ANK2: variants seen among roughly 807,000 people sequenced by gnomAD.
ANK2 encodes the protein ankyrin 2.
A neutral mutation model predicts 360.5 loss-of-function variants in ANK2; 83 were observed. That is an observed-to-expected ratio of 0.23 (90% confidence interval 0.19 to 0.28). The LOEUF (loss-of-function observed/expected upper bound fraction) is 0.28, where lower values mean the gene tolerates loss of function less well. ANK2 is among the 10% of genes least tolerant of loss of function. The probability of loss-of-function intolerance (pLI) is 1.00; values close to 1 mark genes in which losing one functional copy is unlikely to be tolerated. For missense variants in ANK2, 4,201 were observed against 4,795.7 expected, an observed-to-expected ratio of 0.88 and a Z score of 3.66; for synonymous variants, 1,740 against 1,759.5, an observed-to-expected ratio of 0.99 and a Z score of 0.28.
the ANK2 span, among the ~76,000 whole-genome samples, chr4:112,713,182 A>G: frequency 6.6e-6 from 1 of 152,198 alleles, no homozygotes; most frequent in Non-Finnish European, 1.5e-5. Context: ...AGTGTCTTGC[A>G]TGTGTAAACA....
chr4:112,884,162 G>A (rs1358107704), intron 1 of ANK2, among the ~76,000 whole-genome samples: 2 of 152,040 alleles, frequency 1.3e-5, no homozygotes, highest in Non-Finnish European at 2.9e-5. Context: ...AAATAAATTT[G>A]TATCTTTAAA....
In ANK2 at chr4:112,989,058, A is replaced by T. The variant is rs186857404; in HGVS notation, c.21+84544A>T. On this transcript the variant is annotated intron_variant, in intron 2 of 30. Transcript: ENST00000503271. ...TTGTGTTCTTCTTGAAACAGATAAA[A>T]ACCAATGCTAGGACAGAGGTAATTC... Among the ~76,000 whole-genome samples, 406 of 152,322 alleles carry T rather than the reference A, an allele frequency of 2.7e-3. 2 individuals are homozygous for T. The highest frequency in any genetic ancestry group is 8.8e-3 in the African/African-American group (367 of 41,566).
the ANK2 span, among the ~76,000 whole-genome samples, chr4:112,713,365 T>C: frequency 6.6e-6 from 1 of 152,176 alleles, no homozygotes; most frequent in East Asian, 1.9e-4. Flanking sequence ...AGGTCGGGCA[T>C]TCGAGAGCAG....
chr4:113,013,339 G>C (rs555249703), intron 2 of ANK2, among the ~76,000 whole-genome samples: 6 of 152,204 alleles, frequency 3.9e-5, no homozygotes, highest in Admixed American at 2.6e-4. Flanking sequence ...ATCATACATT[G>C]ATAATTTTAA....
At chr4:112,882,675 G>A (rs371150873) in intron 1 of ANK2, among the ~76,000 whole-genome samples, 2 of 151,584 alleles carry the variant, frequency 1.3e-5, no homozygotes, top group South Asian at 2.1e-4. Context: ...AAGCCAAAAC[G>A]CCAGGTTTAA....
At chr4:113,332,702 T>G (rs2092745143) in intron 28 of ANK2, among the ~76,000 whole-genome samples, 1 of 152,264 alleles carries the variant, frequency 6.6e-6, no homozygotes, top group South Asian at 2.1e-4. Flanking sequence ...ATTTTGCACC[T>G]TGTCGAAAAT....
intron 2 of ANK2, among the ~76,000 whole-genome samples, chr4:113,184,002 C>G (rs1176169981): frequency 3.3e-5 from 5 of 150,058 alleles, no homozygotes; most frequent in Non-Finnish European, 7.4e-5. Context: ...TAGAGCTCCC[C>G]CAAGTTCGGT....
chr4:112,736,991 G>C, the ANK2 span, among the ~76,000 whole-genome samples: 1 of 152,144 alleles, frequency 6.6e-6, no homozygotes, highest in Non-Finnish European at 1.5e-5. Context: ...CTTTTTTTCA[G>C]AAAGTCCCTC....
At chr4:112,810,143 ATATATATATATATATATTTTTTTTT>A in the ANK2 span, among the ~76,000 whole-genome samples, 3 of 23,046 alleles carry the variant, frequency 1.3e-4, no homozygotes, top group East Asian at 2.4e-3. Flanking sequence ...ATATATATAT[ATATATATATATATATATTTTTTTTT>A]TTTTTTTTTT....
chr4:113,156,733 G>A (rs1583297389), intron 1 of ANK2, among the ~76,000 whole-genome samples: 1 of 151,202 alleles, frequency 6.6e-6, no homozygotes, highest in African/African-American at 2.4e-5. Flanking sequence ...TGGGATTATG[G>A]TTGCTAACCG....
chr4:112,809,357 C>A, the ANK2 span, among the ~76,000 whole-genome samples: 8 of 150,208 alleles, frequency 5.3e-5, no homozygotes, highest in Non-Finnish European at 1.2e-4. Flanking sequence ...GTCAGGAGAT[C>A]GAGACCATTC....
At chr4:112,796,540 G>A in the ANK2 span, among the ~76,000 whole-genome samples, 1 of 151,160 alleles carries the variant, frequency 6.6e-6, no homozygotes, top group East Asian at 1.9e-4. Context: ...AATAGAGACG[G>A]GTTCTCACCA....
intron 1 of ANK2, among the ~76,000 whole-genome samples, chr4:112,874,573 C>T (rs1486383645): frequency 7.2e-6 from 1 of 138,178 alleles, no homozygotes; most frequent in East Asian, 2.2e-4. Flanking sequence ...ATGTGGAAGG[C>T]GGAGGTTGCA....
rs1260089933 is a variant in ANK2, at chr4:113,359,141, G to C, written c.10523G>C (p.Ser3508Thr). The C allele has an allele frequency of 1.9e-6, 3 of 1,613,926 alleles. No individual in the cohort carries two copies. Among genetic ancestry groups the C allele is most frequent in the Non-Finnish European group, 2.5e-6 (3 of 1,179,932 alleles). Residue 3508 changes from serine to threonine, a missense_variant, in exon 38 of 46, where the codon AGT becomes ACT. By Grantham distance (58) the Ser-to-Thr change is moderately conservative (BLOSUM62 1). Around this residue, in one of 4 missense-constraint regions of ANK2, gnomAD observed 2,642 missense variants for 2,714.5 expected, o/e 0.97. Transcript: ENST00000357077. The stretch of plus-strand genomic sequence containing the variant: ...GAAATAGTTTCAGACGATGAAAGTA[G>C]TAGTGCCCTGGAAGTATCAGTAATT... Reference protein sequence around the residue: ...EQEIVSDDESSSALEVSVIEN... With the variant: ...EQEIVSDDESTSALEVSVIEN...
the ANK2 span, among the ~76,000 whole-genome samples, chr4:112,794,011 T>C: frequency 3.4e-3 from 525 of 152,256 alleles, 2 homozygotes; most frequent in Non-Finnish European, 5.5e-3. Context: ...ATTTTCTCCA[T>C]TGAGTAACAA....
chr4:112,719,706 G>A, the ANK2 span, among the ~76,000 whole-genome samples: 1 of 145,914 alleles, frequency 6.9e-6, no homozygotes. Flanking sequence ...CAGCCTGGGC[G>A]ACAGAGCGAG....
At chr4:113,359,676 A>G (rs1210353289) in intron 38 of ANK2, among the ~76,000 whole-genome samples, 1 of 152,212 alleles carries the variant, frequency 6.6e-6, no homozygotes, top group Non-Finnish European at 1.5e-5. Flanking sequence ...GTTTCATAGT[A>G]TGAAGACATT....
the ANK2 span, among the ~76,000 whole-genome samples, chr4:112,768,646 C>T: frequency 6.6e-6 from 1 of 152,084 alleles, no homozygotes; most frequent in Non-Finnish European, 1.5e-5. Flanking sequence ...CCCAAAGTTC[C>T]TTGTTTTGCT....
chr4:113,225,832 C>G (rs1394650366), intron 4 of ANK2, among the ~76,000 whole-genome samples: 1 of 152,100 alleles, frequency 6.6e-6, no homozygotes, highest in Non-Finnish European at 1.5e-5. Context: ...GGAATTTTCA[C>G]CATTGGCTAA....
Sources: gnomAD v4.1 joint callset for allele counts (sites outside exome capture counted in the v4.1 genomes callset) on GRCh38, gnomAD v4.1.1 for gene constraint, gnomAD v4.1.1 regional missense constraint, MANE v1.5 for transcripts, NCBI Gene and HGNC (gene_info 2026-07-23, HGNC 2026-07-21) for gene names.